The following NRXN1 variants were observed in gnomAD, a reference collection of about 807,000 sequenced individuals.
The protein encoded by NRXN1 is neurexin-1.
NRXN1 carries 39 observed loss-of-function variants against 150.9 expected under a neutral mutation model. That is an observed-to-expected ratio of 0.26 (90% CI 0.20 to 0.34). NRXN1 has a LOEUF of 0.34. NRXN1 is among the 10% of genes least tolerant of loss of function. The pLI, the probability that NRXN1 is intolerant of heterozygous loss-of-function variation, is 1.00. For synonymous variants in NRXN1, 924 were observed against 757.0 expected, an observed-to-expected ratio of 1.22 and a Z score of -3.62; for missense variants, 1,815 against 1,949.9, an observed-to-expected ratio of 0.93 and a Z score of 1.30.
rs573046309 is a variant in NRXN1, at chr2:50,377,389, C to T, written c.3364+88053G>A. On this transcript the variant is annotated intron_variant, in intron 17 of 22. Coordinates refer to ENST00000401669, the MANE Select transcript of NRXN1 (RefSeq NM_001330078.2). ...TGTGTTACTGTGCTGAGGATAATGG[C>T]TTCCAGCTCCATCCATGTCTCTGCA... Among the ~76,000 whole-genome samples, 4 of 152,282 alleles carry T rather than the reference C, an allele frequency of 2.6e-5. No homozygotes were observed. In the East Asian group the frequency reaches 7.7e-4, roughly 29 times the overall value.
At chr2:51,026,341 T>G (rs559878675) in intron 2 of NRXN1, 2 of 1,421,646 alleles carry the variant, frequency 1.4e-6, no homozygotes, top group South Asian at 1.2e-5. Flanking sequence ...ACTTAGCCAC[T>G]GATTCGTCTT....
chr2:50,338,877 C>T lies in NRXN1; in HGVS notation c.3365-101907G>A, dbSNP rs1007400939. The stretch of plus-strand genomic sequence containing the variant: ...GAAGTACTTTATGCTCTGTAACTAT[C>T]CACACTTTAGATTTTTCAGTCTTAA... On this transcript the variant is annotated intron_variant, in intron 17 of 22. Transcript: ENST00000401669. Among the ~76,000 whole-genome samples the T allele has an allele frequency of 5.3e-5, 8 of 152,198 alleles. No individual in the cohort carries two copies. The South Asian group carries it at 8.3e-4, about 16-fold the overall frequency.
intron 17 of NRXN1, among the ~76,000 whole-genome samples, chr2:50,373,393 A>C (rs572358221): frequency 6.7e-6 from 1 of 148,488 alleles, no homozygotes; most frequent in Non-Finnish European, 1.5e-5. Context: ...ATTGTTGTTG[A>C]TATTCCTCTT....
chr2:50,049,018 C>T (rs1692273120), intron 21 of NRXN1, among the ~76,000 whole-genome samples: 1 of 151,982 alleles, frequency 6.6e-6, no homozygotes, highest in African/African-American at 2.4e-5. Flanking sequence ...AAAAACCAGG[C>T]AAGGATACCA....
chr2:50,883,498 G>C (rs1363456280), intron 5 of NRXN1, among the ~76,000 whole-genome samples: 1 of 150,708 alleles, frequency 6.6e-6, no homozygotes, highest in African/African-American at 2.4e-5. Flanking sequence ...GAAAATATCT[G>C]TGAATGTTAT....
chr2:50,724,251 T>A (rs1390813591), intron 5 of NRXN1, among the ~76,000 whole-genome samples: 1 of 152,162 alleles, frequency 6.6e-6, no homozygotes, highest in African/African-American at 2.4e-5. Context: ...CAGTACTATA[T>A]AAGGTGCTTT....
rs527699820 is a variant in NRXN1, at chr2:50,621,534, C to A, written c.1135-285G>T. On this transcript the variant is annotated intron_variant, in intron 6 of 22. Coordinates refer to ENST00000401669, the MANE Select transcript of NRXN1 (RefSeq NM_001330078.2). ...TTCATAATTTGCTACTAGACAGAAA[C>A]AGACACATGACAATGTTCCCTTTGT... is the stretch of plus-strand genomic sequence containing the variant. Among the ~76,000 whole-genome samples, 9 of 152,070 alleles carry A rather than the reference C, an allele frequency of 5.9e-5. No individual in the cohort carries two copies. The East Asian group carries it at 1.7e-3, about 29-fold the overall frequency.
chr2:50,324,850 T>C (rs1001114794), intron 17 of NRXN1, among the ~76,000 whole-genome samples: 1 of 152,250 alleles, frequency 6.6e-6, no homozygotes, highest in African/African-American at 2.4e-5. Context: ...CTTTCCTTAA[T>C]TGGAACTCCT....
Position 50,421,088 on chromosome 2 carries a change from T to C in NRXN1, c.3364+44354A>G, listed in dbSNP as rs545216028. Among the ~76,000 whole-genome samples the C allele has an allele frequency of 5.3e-5, 8 of 151,728 alleles. No individual in the cohort carries two copies. In the East Asian group the frequency reaches 1.6e-3, roughly 30 times the overall value. ...ATATCTTGCAATGGACCCCTGTTAT[T>C]TGCTAGGTGGGAGAGGAGACATTAA... On this transcript the variant is annotated intron_variant, in intron 17 of 22. Transcript: ENST00000401669.
intron 5 of NRXN1, among the ~76,000 whole-genome samples, chr2:50,695,841 A>ATTTTT (rs5831150): frequency 7.9e-6 from 1 of 127,316 alleles, no homozygotes; most frequent in Non-Finnish European, 1.6e-5. Context: ...AGTGACTCTG[A>ATTTTT]TTTTTTTTTT....
intron 5 of NRXN1, among the ~76,000 whole-genome samples, chr2:50,821,895 C>A (rs1669792792): frequency 6.6e-6 from 1 of 152,084 alleles, no homozygotes; most frequent in Non-Finnish European, 1.5e-5. Context: ...CAAATCTACT[C>A]AGTTCTGGAA....
chr2:50,927,721 A>C (rs1369200705), intron 2 of NRXN1, among the ~76,000 whole-genome samples: 1 of 152,014 alleles, frequency 6.6e-6, no homozygotes, highest in Non-Finnish European at 1.5e-5. Flanking sequence ...TATGTATTGT[A>C]AAATAATAAA....
At chr2:50,526,864 C>G (rs1465343075) in intron 12 of NRXN1, 1 of 152,104 alleles carries the variant, frequency 6.6e-6, no homozygotes, top group Non-Finnish European at 1.5e-5. Flanking sequence ...AAACCTTTGT[C>G]CTCAAAGGTA....
intron 21 of NRXN1, among the ~76,000 whole-genome samples, chr2:49,998,610 G>C (rs1462312973): frequency 6.6e-6 from 1 of 151,954 alleles, no homozygotes. Context: ...AAACCAATCT[G>C]AAATGCAGTA....
intron 8 of NRXN1, among the ~76,000 whole-genome samples, chr2:50,617,359 C>T (rs1171021599): frequency 6.6e-6 from 1 of 151,724 alleles, no homozygotes; most frequent in Non-Finnish European, 1.5e-5. Flanking sequence ...TTGCTTGAAC[C>T]CAGGAGGTGG....
chr2:50,509,640 T>G lies in NRXN1; in HGVS notation c.2375-3023A>C, dbSNP rs567094522. ...ACTTGTTAAAGAAAGATGGTTTAACTGTTGAAATTTTGAATTTGAGAGTTT... is the reference window on the plus strand; with the variant it reads ...ACTTGTTAAAGAAAGATGGTTTAACGGTTGAAATTTTGAATTTGAGAGTTT... On this transcript the variant is annotated intron_variant, in intron 12 of 22. Transcript: ENST00000401669. Among the ~76,000 whole-genome samples, 106 of 152,362 alleles carry G rather than the reference T, an allele frequency of 7.0e-4. 1 individual carries two copies. Among genetic ancestry groups the G allele is most frequent in the African/African-American group, 2.4e-3 (100 of 41,584 alleles).
chr2:50,249,989 G>A (rs566848395), intron 17 of NRXN1, among the ~76,000 whole-genome samples: 14 of 152,030 alleles, frequency 9.2e-5, no homozygotes, highest in African/African-American at 2.9e-4. Context: ...AATACCATCC[G>A]CATCAAGTTA....
chr2:49,940,119 G>C (rs1470280340), intron 22 of NRXN1, among the ~76,000 whole-genome samples: 2 of 152,128 alleles, frequency 1.3e-5, no homozygotes, highest in Non-Finnish European at 2.9e-5. Flanking sequence ...GGGAGGGTCA[G>C]AGTGATTAGA....
chr2:50,842,647 T>A (rs953741220), intron 5 of NRXN1, among the ~76,000 whole-genome samples: 5 of 152,198 alleles, frequency 3.3e-5, no homozygotes, highest in African/African-American at 1.2e-4. Flanking sequence ...AATTTGTCTG[T>A]GAGTAATAAA....
Sources: gnomAD v4.1 joint callset for allele counts (sites outside exome capture counted in the v4.1 genomes callset) on GRCh38, gnomAD v4.1.1 for gene constraint, MANE v1.5 for transcripts, NCBI Gene and HGNC (gene_info 2026-07-23, HGNC 2026-07-21) for gene names.